RPTOR: variants seen among roughly 807,000 people sequenced by gnomAD.
RPTOR encodes the protein regulatory associated protein of MTOR complex 1.
In RPTOR, 21 loss-of-function variants were observed where a neutral mutation model predicts 169.9. That is an observed-to-expected ratio of 0.12 (90% CI 0.09 to 0.18). RPTOR has a LOEUF of 0.18. Among genes scored for constraint, RPTOR ranks in the 10% least tolerant of loss-of-function variants. The pLI, the probability that RPTOR is intolerant of heterozygous loss-of-function variation, is 1.00. For missense variants in RPTOR, 1,133 were observed against 1,855.9 expected, an observed-to-expected ratio of 0.61 and a Z score of 7.16; for synonymous variants, 732 against 753.2, an observed-to-expected ratio of 0.97 and a Z score of 0.46.
At chr17:80,952,013 C>G (rs1388138728) in intron 28 of RPTOR, among the ~76,000 whole-genome samples, 1 of 152,208 alleles carries the variant, frequency 6.6e-6, no homozygotes, top group Non-Finnish European at 1.5e-5. Flanking sequence ...GGGACGCCGG[C>G]TCGGCACTCA....
In RPTOR at chr17:80,844,548, A is replaced by G. The variant is rs1266112965; in HGVS notation, c.1213-1925A>G. 6.6e-6 allele frequency among the ~76,000 whole-genome samples: 1 copy of G among 152,212 alleles called. No individual in the cohort carries two copies. The highest frequency in any genetic ancestry group is 1.5e-5 in the Non-Finnish European group (1 of 68,038). On this transcript the variant is annotated intron_variant, in intron 10 of 33. Transcript: ENST00000306801. The surrounding 1 kb of genome is among the most constrained non-coding windows in gnomAD (Gnocchi z 4.7). ...CCAATTTATGAATAATTCACACTTG[A>G]AAACAGGAAAATCACTCTGGGGGCT...
At chr17:80,757,400 T>C (rs1384287381) in intron 6 of RPTOR, among the ~76,000 whole-genome samples, 1 of 152,194 alleles carries the variant, frequency 6.6e-6, no homozygotes, top group Non-Finnish European at 1.5e-5. Context: ...GTTTGCTCTG[T>C]AATGTCGAAG....
intron 7 of RPTOR, chr17:80,804,894 T>C (rs1413091487): frequency 6.6e-6 from 1 of 152,256 alleles, no homozygotes; most frequent in East Asian, 1.9e-4. Flanking sequence ...TGAGGGGATG[T>C]GTACAGCATG....
chr17:80,838,083 T>C (rs1222814290), intron 10 of RPTOR, 86 bp downstream of exon 10: 6 of 1,156,118 alleles, frequency 5.2e-6, no homozygotes, highest in South Asian at 4.0e-5. Flanking sequence ...AGACTGGGGG[T>C]GGTGCCCAGG....
At chr17:80,898,793 CT>C (rs945084181) in intron 20 of RPTOR, among the ~76,000 whole-genome samples, 132 of 151,142 alleles carry the variant, frequency 8.7e-4, no homozygotes, top group African/African-American at 3.0e-3. Flanking sequence ...TGATGATGGG[CT>C]TTTCACTTGT....
At chr17:80,561,816 TTGTG>T (rs1195563658) in intron 1 of RPTOR, among the ~76,000 whole-genome samples, 2 of 151,996 alleles carry the variant, frequency 1.3e-5, no homozygotes, top group Admixed American at 6.6e-5. Flanking sequence ...GTACGTGTGT[TTGTG>T]TGTGACTGTG....
At chr17:80,568,186 G>T (rs1195063545) in intron 1 of RPTOR, among the ~76,000 whole-genome samples, 1 of 152,146 alleles carries the variant, frequency 6.6e-6, no homozygotes, top group Non-Finnish European at 1.5e-5. Flanking sequence ...TAGGATTACA[G>T]GAATGAGCCA....
rs61114947 is a variant in RPTOR, at chr17:80,672,366, C to CTTT, written c.348+28573_348+28575dup. Among the ~76,000 whole-genome samples, 324 of 133,294 alleles carry CTTT rather than the reference C, an allele frequency of 2.4e-3. 2 individuals are homozygous for CTTT. Among genetic ancestry groups the CTTT allele is most frequent in the African/African-American group, 8.5e-3 (311 of 36,494 alleles). 87.4% of individuals were successfully genotyped at this position (133,294 alleles called of 152,430 possible). ...ATGTTTACTTTGCTGTGCAAAGGTT[C>CTTT]TTTTTTTTTTTTTTTTTTTAAATGG... On this transcript the variant is annotated intron_variant, in intron 3 of 33. Coordinates refer to ENST00000306801, the MANE Select transcript of RPTOR (RefSeq NM_020761.3).
intron 3 of RPTOR, among the ~76,000 whole-genome samples, chr17:80,704,929 G>A (rs536386708): frequency 6.6e-6 from 1 of 152,372 alleles, no homozygotes; most frequent in East Asian, 1.9e-4. Flanking sequence ...TTGTAGGAGA[G>A]CTGGGCATTG....
chr17:80,857,495 G>A lies in RPTOR; in HGVS notation c.1399-295G>A, dbSNP rs879568418. On this transcript the variant is annotated intron_variant, in intron 12 of 33. Transcript: ENST00000306801. ...AGAGCAGACGAGGCCACTGAGGGCA[G>A]GCAAGGGCCCCAGGCGCAAGCAGCC... Among the ~76,000 whole-genome samples the A allele has an allele frequency of 1.8e-4, 28 of 152,242 alleles. 1 individual carries two copies. The highest frequency in any genetic ancestry group is 5.2e-4 in the Admixed American group (8 of 15,290).
intron 3 of RPTOR, among the ~76,000 whole-genome samples, chr17:80,693,623 A>G (rs572646908): frequency 1.2e-4 from 18 of 152,354 alleles, no homozygotes; most frequent in Non-Finnish European, 2.2e-4. Context: ...GTGACCTTGT[A>G]GTCCCTTTGG....
At chr17:80,905,473 G>A (rs2143922854) in intron 20 of RPTOR, among the ~76,000 whole-genome samples, 1 of 151,366 alleles carries the variant, frequency 6.6e-6, no homozygotes, top group Non-Finnish European at 1.5e-5. Context: ...GTGGGCACCT[G>A]TAGTCCCAGC....
At chr17:80,624,114 G>A (rs556530488) in intron 1 of RPTOR, among the ~76,000 whole-genome samples, 13 of 152,142 alleles carry the variant, frequency 8.5e-5, no homozygotes, top group South Asian at 2.1e-4. Flanking sequence ...AATGTTAACC[G>A]TACTGTCAAT....
intron 2 of RPTOR, 42 bp downstream of exon 2, chr17:80,625,835 G>A (rs780394402): frequency 2.1e-6 from 3 of 1,411,620 alleles, no homozygotes; most frequent in South Asian, 1.1e-5. Context: ...AGGCCGTCTG[G>A]CCGGCTCTGG....
At chr17:80,808,923 G>A (rs147084066) in intron 7 of RPTOR, among the ~76,000 whole-genome samples, 29 of 152,268 alleles carry the variant, frequency 1.9e-4, no homozygotes, top group Non-Finnish European at 3.5e-4. Context: ...GTTGATGCGC[G>A]TTTGAATTGT....
chr17:80,854,118 C>T (rs950007006), intron 11 of RPTOR, among the ~76,000 whole-genome samples: 3 of 152,190 alleles, frequency 2.0e-5, no homozygotes, highest in African/African-American at 7.2e-5. Context: ...AAACTAAACG[C>T]ATGCAGGGCA....
intron 2 of RPTOR, among the ~76,000 whole-genome samples, chr17:80,640,484 A>G (rs192874246): frequency 2.2e-4 from 33 of 152,330 alleles, no homozygotes; most frequent in African/African-American, 7.2e-4. Context: ...GAACCATACA[A>G]TTAACTGACC....
chr17:80,919,665 G>C (rs2068721020), intron 21 of RPTOR, among the ~76,000 whole-genome samples: 1 of 152,224 alleles, frequency 6.6e-6, no homozygotes, highest in Admixed American at 6.5e-5. Context: ...GTGGATAAAA[G>C]ACACCTGCAC....
intron 1 of RPTOR, among the ~76,000 whole-genome samples, chr17:80,589,156 A>G (rs1318926521): frequency 6.6e-6 from 1 of 152,274 alleles, no homozygotes; most frequent in East Asian, 1.9e-4. Context: ...GGCTTTGCAT[A>G]TGGTATGAAG....
Sources: allele counts gnomAD v4.1 joint callset (sites outside exome capture counted in the v4.1 genomes callset), GRCh38; gene constraint gnomAD v4.1.1; non-coding constraint Gnocchi (gnomAD v3.1); transcripts MANE v1.5; gene names NCBI Gene and HGNC (gene_info 2026-07-23, HGNC 2026-07-21).